The following RFC3 variants were observed in gnomAD, a reference collection of about 807,000 sequenced individuals.
RFC3 encodes A1 38 kDa subunit.
In RFC3, 41 loss-of-function variants were observed where a neutral mutation model predicts 45.1. The observed-to-expected ratio is 0.91, with a 90% CI of 0.71 to 1.18. The LOEUF (loss-of-function observed/expected upper bound fraction) is 1.18. RFC3 is among the 50% of genes most tolerant of loss of function. The pLI, the probability that RFC3 is intolerant of heterozygous loss-of-function variation, is 0.00. For synonymous variants in RFC3, 149 were observed against 144.0 expected (o/e 1.03, Z -0.25); for missense variants, 423 against 428.1 (o/e 0.99, Z 0.10).
chr13:33,823,633 A>G (rs185465492), intron 2 of RFC3, among the ~76,000 whole-genome samples: 14 of 152,248 alleles, frequency 9.2e-5, no homozygotes, highest in Admixed American at 7.2e-4. Flanking sequence ...ATCGTTTGCA[A>G]TGATCTGTGT....
intron 8 of RFC3, among the ~76,000 whole-genome samples, chr13:33,914,301 A>G (rs1224434104): frequency 6.6e-6 from 1 of 152,160 alleles, no homozygotes; most frequent in Non-Finnish European, 1.5e-5. Flanking sequence ...GAAGATGAGC[A>G]TTTGAAAAGT....
chr13:33,858,951 A>G (rs2082323913), intron 8 of RFC3, among the ~76,000 whole-genome samples: 1 of 152,182 alleles, frequency 6.6e-6, no homozygotes. Flanking sequence ...AACATACAGT[A>G]TACACATCCT....
At chr13:33,884,805 C>T (rs1391397165) in intron 8 of RFC3, among the ~76,000 whole-genome samples, 2 of 152,144 alleles carry the variant, frequency 1.3e-5, no homozygotes, top group African/African-American at 2.4e-5. Flanking sequence ...ACAATATGTT[C>T]TTTTGACTTG....
intron 8 of RFC3, among the ~76,000 whole-genome samples, chr13:33,852,591 AAG>A (rs1366668750): frequency 1.3e-5 from 2 of 148,720 alleles, no homozygotes; most frequent in Admixed American, 1.3e-4. Context: ...ATAATAATAA[AAG>A]AGAAAGTTTG....
At position 33,938,686 on chromosome 13, in the gene RFC3, G is replaced by GT. The variant is rs202207357; in HGVS notation, c.880-27392dup. 2.6e-3 allele frequency among the ~76,000 whole-genome samples: 387 copies of GT among 150,912 alleles called. 1 individual carries two copies. Among genetic ancestry groups the GT allele is most frequent in the South Asian group, 7.8e-3 (37 of 4,750 alleles). On this transcript the variant is annotated intron_variant, in intron 8 of 8. Coordinates refer to the RFC3 transcript ENST00000434425. ...ATATATCACAATTCACTACATTTCA[G>GT]TTTTTTTTTGCTATTACAATCAGTG... is the stretch of plus-strand genomic sequence containing the variant.
chr13:33,873,221 C>T (rs1192897556), intron 8 of RFC3, among the ~76,000 whole-genome samples: 1 of 152,192 alleles, frequency 6.6e-6, no homozygotes, highest in Non-Finnish European at 1.5e-5. Flanking sequence ...CAGGGACAGT[C>T]ATTGAGTCAG....
At chr13:33,973,387 G>A in the RFC3 span, among the ~76,000 whole-genome samples, 2 of 152,242 alleles carry the variant, frequency 1.3e-5, no homozygotes, top group Non-Finnish European at 2.9e-5. Flanking sequence ...GTGTCATGGA[G>A]GTGATTTATT....
chr13:33,825,909 T>G (rs1480015517), intron 4 of RFC3, 23 bp downstream of exon 4: 1 of 1,464,536 alleles, frequency 6.8e-7, no homozygotes, highest in African/African-American at 1.4e-5. Context: ...AAGACTTCTT[T>G]TTATGAAGCT....
intron 2 of RFC3, among the ~76,000 whole-genome samples, chr13:33,823,438 A>AT (rs1276141872): frequency 2.6e-5 from 4 of 152,182 alleles, no homozygotes; most frequent in Non-Finnish European, 4.4e-5. Flanking sequence ...GTGTGTGACT[A>AT]TAACACTGTG....
At chr13:33,976,543 T>G in the RFC3 span, among the ~76,000 whole-genome samples, 2 of 152,230 alleles carry the variant, frequency 1.3e-5, no homozygotes, top group Admixed American at 6.5e-5. Context: ...ATTTTATACT[T>G]TAAAGTAGCT....
At chr13:33,899,204 CAAAAAAAAA>C (rs59221382) in intron 8 of RFC3, among the ~76,000 whole-genome samples, 2 of 51,968 alleles carry the variant, frequency 3.8e-5, no homozygotes, top group African/African-American at 1.3e-4. Flanking sequence ...CACAATAAGA[CAAAAAAAAA>C]AAAAAAAAAA....
chr13:33,845,996 A>G (rs984170920), intron 8 of RFC3, among the ~76,000 whole-genome samples: 3 of 152,250 alleles, frequency 2.0e-5, no homozygotes, highest in Non-Finnish European at 2.9e-5. Flanking sequence ...GGGGCACCCC[A>G]GTAATGCTGT....
chr13:33,968,379 C>T (rs888159879), downstream of RFC3, among the ~76,000 whole-genome samples: 5 of 152,214 alleles, frequency 3.3e-5, no homozygotes, highest in African/African-American at 7.2e-5. Flanking sequence ...CCTCCCACCT[C>T]GGCCTCCTGC....
At chr13:33,948,255 C>G (rs1312615041) in intron 8 of RFC3, among the ~76,000 whole-genome samples, 1 of 152,216 alleles carries the variant, frequency 6.6e-6, no homozygotes, top group African/African-American at 2.4e-5. Context: ...CAGCTCAGGC[C>G]ATTGCTTCAG....
At chr13:33,955,776 G>A (rs930256436) in intron 8 of RFC3, among the ~76,000 whole-genome samples, 3 of 152,098 alleles carry the variant, frequency 2.0e-5, no homozygotes, top group Non-Finnish European at 2.9e-5. Context: ...TCATGATGCT[G>A]GGCTAAACCA....
intron 8 of RFC3, among the ~76,000 whole-genome samples, chr13:33,870,996 C>A (rs1433036509): frequency 6.6e-6 from 1 of 152,044 alleles, no homozygotes; most frequent in Non-Finnish European, 1.5e-5. Flanking sequence ...CCCTGTAGAC[C>A]CTCAGAGTTA....
Position 33,925,535 on chromosome 13 carries a change from C to T in RFC3, c.880-40552C>T, listed in dbSNP as rs112836936. Among the ~76,000 whole-genome samples, 249 of 88,586 alleles carry T rather than the reference C, an allele frequency of 2.8e-3. 25 individuals are homozygous for T. The highest frequency in any genetic ancestry group is 0.02 in the African/African-American group (226 of 11,452). The allele number at this position is 88,586 out of a possible 152,430, so 58.1% of individuals were successfully genotyped here. On this transcript the variant is annotated intron_variant, in intron 8 of 8. Coordinates refer to the RFC3 transcript ENST00000434425. ...ACATAGTGTACTATATACATACATACATAGTGTACTATATACATACATACA... is the reference window on the plus strand; with the variant it reads ...ACATAGTGTACTATATACATACATATATAGTGTACTATATACATACATACA...
At chr13:33,854,088 G>A (rs1349829946) in intron 8 of RFC3, among the ~76,000 whole-genome samples, 2 of 152,208 alleles carry the variant, frequency 1.3e-5, no homozygotes, top group African/African-American at 2.4e-5. Flanking sequence ...AAATGTAGAT[G>A]TGACAATCAG....
At position 33,868,008 on chromosome 13, in the gene RFC3, C is replaced by G. The variant is rs925681984; in HGVS notation, c.879+32791C>G. 1.6e-4 allele frequency among the ~76,000 whole-genome samples: 24 copies of G among 152,188 alleles called. 1 individual carries two copies. Among genetic ancestry groups the G allele is most frequent in the African/African-American group, 5.5e-4 (23 of 41,450 alleles). On this transcript the variant is annotated intron_variant, in intron 8 of 8. Transcript: ENST00000434425. ...AAATAGAGAGGAAAATAACATCACT[C>G]AGAGCTCTTAGACTTTGAGCTGGAG...
Sources: allele counts gnomAD v4.1 joint callset (sites outside exome capture counted in the v4.1 genomes callset), GRCh38; gene constraint gnomAD v4.1.1; transcripts MANE v1.5; gene names NCBI Gene and HGNC (gene_info 2026-07-23, HGNC 2026-07-21).